Variants in SLC24A4 observed in about 807,000 individuals in gnomAD.
SLC24A4 encodes the protein sodium/potassium/calcium exchanger 4.
A neutral mutation model predicts 79.0 loss-of-function variants in SLC24A4; 53 were observed. That is an observed-to-expected ratio of 0.67 (90% confidence interval 0.54 to 0.84). The LOEUF (loss-of-function observed/expected upper bound fraction) is 0.84. Among genes scored for constraint, SLC24A4 ranks in the 40% least tolerant of loss-of-function variants. The pLI, the probability that SLC24A4 is intolerant of heterozygous loss-of-function variation, is 0.00. For synonymous variants in SLC24A4, 323 were observed against 323.8 expected, an observed-to-expected ratio of 1.00 and a Z score of 0.03; for missense variants, 731 against 822.0, an observed-to-expected ratio of 0.89 and a Z score of 1.35.
At position 92,449,281 on chromosome 14, in the gene SLC24A4, TACACACACACACAC is replaced by T. The variant is rs36228701; in HGVS notation, c.880+94_880+107del. 5.4e-3 allele frequency: 4,678 copies of T among 866,738 alleles called. 9 individuals carry two copies. Among genetic ancestry groups the T allele is most frequent in the African/African-American group, 0.012 (673 of 56,542 alleles). 53.7% of individuals were successfully genotyped at this position (866,738 alleles called of 1,614,324 possible). On this transcript the variant is annotated intron_variant, in intron 10 of 16. Transcript: ENST00000532405. ...GGAAGCCACTCTCTCCTCTTTTGTGTACACACACACACACACACACACACACACACACACACACA... is the reference window on the plus strand; with the variant it reads ...GGAAGCCACTCTCTCCTCTTTTGTGTACACACACACACACACACACACACA...
Position 92,407,689 on chromosome 14 carries a change from T to TTCATGAGAACTCACTCACTA in SLC24A4, c.242-26212_242-26193dup, listed in dbSNP as rs565146170. Among the ~76,000 whole-genome samples the TTCATGAGAACTCACTCACTA allele has an allele frequency of 7.1e-3, 1,078 of 152,032 alleles. 15 individuals carry two copies. The highest frequency in any genetic ancestry group is 0.025 in the African/African-American group (1,025 of 41,436). On this transcript the variant is annotated intron_variant, in intron 2 of 16. Transcript: ENST00000532405. ...TCCACAGACTTTCAAATGATCAGAT[T>TTCATGAGAACTCACTCACTA]TCATGAGAACTCACTCACTATCATG...
intron 2 of SLC24A4, among the ~76,000 whole-genome samples, chr14:92,406,133 C>T (rs556978254): frequency 3.9e-5 from 6 of 152,246 alleles, no homozygotes; most frequent in Non-Finnish European, 8.8e-5. Flanking sequence ...GTCCAAAACT[C>T]AGTAGGGCAG....
At chr14:92,351,898 A>C (rs60790147) in intron 2 of SLC24A4, among the ~76,000 whole-genome samples, 1 of 140,116 alleles carries the variant, frequency 7.1e-6, no homozygotes, top group African/African-American at 2.6e-5. Flanking sequence ...GGAAGGAAGG[A>C]AAGGAAGGAA....
intron 2 of SLC24A4, among the ~76,000 whole-genome samples, chr14:92,364,999 T>C (rs1887745590): frequency 6.6e-6 from 1 of 152,172 alleles, no homozygotes; most frequent in Non-Finnish European, 1.5e-5. Context: ...GACTTCTCCC[T>C]CCCTATCCTT....
intron 14 of SLC24A4, 114 bp from the exon 15 acceptor site, chr14:92,491,551 C>T: frequency 1.4e-6 from 1 of 735,454 alleles, no homozygotes; most frequent in Non-Finnish European, 2.4e-6. Context: ...AATGTAAGGT[C>T]CTTGCAGAAG....
Position 92,341,336 on chromosome 14 carries a change from G to A in SLC24A4, c.241+15358G>A, listed in dbSNP as rs1886130365. On this transcript the variant is annotated intron_variant, in intron 2 of 16. Coordinates refer to ENST00000532405, the MANE Select transcript of SLC24A4 (RefSeq NM_153646.4). ...TCAGGGAAGGCAGGACATGCTTATT[G>A]GCCAGTGGTGATTGAGAACAGGACA... 2.0e-5 allele frequency among the ~76,000 whole-genome samples: 3 copies of A among 152,166 alleles called. No individual in the cohort carries two copies. The South Asian group carries it at 6.2e-4, about 32-fold the overall frequency.
intron 12 of SLC24A4, among the ~76,000 whole-genome samples, chr14:92,457,929 A>G (rs888770873): frequency 1.1e-4 from 16 of 152,246 alleles, no homozygotes; most frequent in Non-Finnish European, 8.8e-5. Flanking sequence ...TGCCTGCGGT[A>G]GGTGGCGTGG....
chr14:92,417,507 A>T (rs1053200004), intron 2 of SLC24A4, among the ~76,000 whole-genome samples: 2 of 152,000 alleles, frequency 1.3e-5, no homozygotes, highest in Non-Finnish European at 2.9e-5. Context: ...GTTATTATTG[A>T]TGAAGCATAT....
chr14:92,409,206 A>G (rs1375131256), intron 2 of SLC24A4, among the ~76,000 whole-genome samples: 1 of 152,226 alleles, frequency 6.6e-6, no homozygotes, highest in East Asian at 1.9e-4. Context: ...GAAGGGGTCC[A>G]GGAAGTTGAT....
At chr14:92,427,328 A>C (rs1197652863) in intron 2 of SLC24A4, among the ~76,000 whole-genome samples, 1 of 152,272 alleles carries the variant, frequency 6.6e-6, no homozygotes, top group Admixed American at 6.5e-5. Flanking sequence ...CTGGCAGCAC[A>C]GGCATGACCA....
intron 2 of SLC24A4, among the ~76,000 whole-genome samples, chr14:92,389,796 C>T (rs1265398119): frequency 6.6e-6 from 1 of 152,190 alleles, no homozygotes; most frequent in East Asian, 1.9e-4. Context: ...GCCCCAGGGG[C>T]CCGCCTGGCC....
intron 2 of SLC24A4, among the ~76,000 whole-genome samples, chr14:92,332,614 A>T (rs1885543221): frequency 6.6e-6 from 1 of 152,134 alleles, no homozygotes; most frequent in East Asian, 1.9e-4. Flanking sequence ...TGAGTGGGGG[A>T]TTGGTACCAC....
At chr14:92,403,803 G>T (rs1890235182) in intron 2 of SLC24A4, among the ~76,000 whole-genome samples, 1 of 152,066 alleles carries the variant, frequency 6.6e-6, no homozygotes, top group Non-Finnish European at 1.5e-5. Flanking sequence ...TACAGATTCT[G>T]CTTAAACCCT....
intron 11 of SLC24A4, among the ~76,000 whole-genome samples, chr14:92,456,199 A>T (rs562874924): frequency 6.6e-6 from 1 of 152,254 alleles, no homozygotes; most frequent in African/African-American, 2.4e-5. Flanking sequence ...AAATCCTCAA[A>T]GTTTTCCTGG....
At chr14:92,348,236 G>A (rs1886654860) in intron 2 of SLC24A4, among the ~76,000 whole-genome samples, 1 of 152,150 alleles carries the variant, frequency 6.6e-6, no homozygotes, top group African/African-American at 2.4e-5. Context: ...AGCTTTGCAG[G>A]TTCATTGTGT....
At chr14:92,440,207 G>GC (rs1271721879) in intron 4 of SLC24A4, among the ~76,000 whole-genome samples, 3 of 152,126 alleles carry the variant, frequency 2.0e-5, no homozygotes, top group African/African-American at 7.2e-5. Context: ...TTGGACCTGG[G>GC]CCCCCCAAGC....
intron 2 of SLC24A4, among the ~76,000 whole-genome samples, chr14:92,373,052 G>A (rs1888289427): frequency 1.4e-5 from 2 of 147,706 alleles, no homozygotes; most frequent in Non-Finnish European, 3.0e-5. Context: ...GCCCAGGCTA[G>A]AGTGCAGTGA....
intron 2 of SLC24A4, among the ~76,000 whole-genome samples, chr14:92,337,111 G>C (rs1425367116): frequency 6.6e-6 from 1 of 152,070 alleles, no homozygotes; most frequent in African/African-American, 2.4e-5. Flanking sequence ...TTAAAAACAT[G>C]GGGAGGGGGT....
chr14:92,322,920 C>A (rs906594440), upstream of SLC24A4, among the ~76,000 whole-genome samples: 1 of 152,162 alleles, frequency 6.6e-6, no homozygotes, highest in South Asian at 2.1e-4. Flanking sequence ...CTGTTTCTCT[C>A]TGCAGCAGCC....
Sources: gnomAD v4.1 joint callset for allele counts (sites outside exome capture counted in the v4.1 genomes callset) on GRCh38, gnomAD v4.1.1 for gene constraint, MANE v1.5 for transcripts, NCBI Gene and HGNC (gene_info 2026-07-23, HGNC 2026-07-21) for gene names.